Variants in TRDN observed in about 807,000 individuals in gnomAD.
TRDN encodes triadin.
In TRDN, 161 loss-of-function variants were observed where a neutral mutation model predicts 149.7. The ratio of observed to expected loss-of-function variants is 1.08; its 90% confidence interval spans 0.95 to 1.23. TRDN has a LOEUF of 1.23. Ranked by LOEUF, TRDN falls within the 50% of genes most tolerant of loss-of-function variation. The pLI is 0.00. For synonymous variants in TRDN, 294 were observed against 250.5 expected, an observed-to-expected ratio of 1.17 and a Z score of -1.64; for missense variants, 896 against 823.5, an observed-to-expected ratio of 1.09 and a Z score of -1.08.
chr6:123,362,361 T>C (rs180750542), intron 20 of TRDN, among the ~76,000 whole-genome samples: 1 of 152,306 alleles, frequency 6.6e-6, no homozygotes, highest in East Asian at 1.9e-4. Context: ...GTTATTTATA[T>C]ACTTACAATT....
At position 123,316,936 on chromosome 6, in the gene TRDN, A is replaced by G. The variant is rs534485799; in HGVS notation, c.1472-441T>C. ...ATTCATGGGGCTCCACCTAGTGGTT[A>G]ATATAATTATTGTTTTCCTAGTATT... On this transcript the variant is annotated intron_variant, in intron 23 of 40. Coordinates refer to ENST00000334268, the MANE Select transcript of TRDN (RefSeq NM_006073.4). Among the ~76,000 whole-genome samples the G allele has an allele frequency of 2.6e-5, 4 of 151,872 alleles. No individual in the cohort carries two copies. In the South Asian group the frequency reaches 8.3e-4, roughly 31 times the overall value.
intron 19 of TRDN, among the ~76,000 whole-genome samples, chr6:123,370,792 T>G (rs1168596059): frequency 2.0e-5 from 3 of 152,158 alleles, no homozygotes; most frequent in Non-Finnish European, 4.4e-5. Context: ...ATTCCGTTAT[T>G]ACTTAGAGGT....
chr6:123,516,102 G>T, intron 6 of TRDN, 39 bp downstream of exon 6: 1 of 1,429,684 alleles, frequency 7.0e-7, no homozygotes. Flanking sequence ...AATGGGAAAG[G>T]ACTCAGTGTG....
At chr6:123,415,488 C>G (rs1034171478) in intron 12 of TRDN, among the ~76,000 whole-genome samples, 9 of 152,158 alleles carry the variant, frequency 5.9e-5, no homozygotes, top group Non-Finnish European at 8.8e-5. Context: ...CAAAGCCAGA[C>G]AGTCTAAGCA....
At position 123,249,370 on chromosome 6, in the gene TRDN, G is replaced by A. The variant is rs534316352; in HGVS notation, c.1975+3042C>T. ...GTTCAATTCCTATGGAAAACATTATGGAGAGTTCTCAAAGAACTAAATTAG... is the reference window on the plus strand; with the variant it reads ...GTTCAATTCCTATGGAAAACATTATAGAGAGTTCTCAAAGAACTAAATTAG... On this transcript the variant is annotated intron_variant, in intron 38 of 40. Coordinates refer to ENST00000334268, the MANE Select transcript of TRDN (RefSeq NM_006073.4). Among the ~76,000 whole-genome samples, 5 of 152,180 alleles carry A rather than the reference G, an allele frequency of 3.3e-5. No individual in the cohort carries two copies. The South Asian group carries it at 8.3e-4, about 25-fold the overall frequency.
At chr6:123,429,211 T>C (rs2114566003) in intron 12 of TRDN, 1 of 152,306 alleles carries the variant, frequency 6.6e-6, no homozygotes, top group East Asian at 1.9e-4. Flanking sequence ...TCACTCTACT[T>C]ACTGGTGATG....
intron 35 of TRDN, among the ~76,000 whole-genome samples, chr6:123,257,920 A>T (rs989854331): frequency 6.6e-6 from 1 of 152,038 alleles, no homozygotes; most frequent in Non-Finnish European, 1.5e-5. Context: ...TTCACTCATG[A>T]TTTGGCTCTT....
intron 24 of TRDN, among the ~76,000 whole-genome samples, chr6:123,306,763 A>G (rs1028335190): frequency 6.6e-6 from 1 of 152,102 alleles, no homozygotes; most frequent in African/African-American, 2.4e-5. Context: ...AAGACCACCC[A>G]GTCTGCAGGT....
At chr6:123,442,796 A>G (rs1325617216) in intron 10 of TRDN, among the ~76,000 whole-genome samples, 1 of 152,112 alleles carries the variant, frequency 6.6e-6, no homozygotes, top group African/African-American at 2.4e-5. Context: ...ATATCCAGGG[A>G]GGGTATGTCT....
intron 23 of TRDN, among the ~76,000 whole-genome samples, chr6:123,323,677 A>G (rs572174316): frequency 6.6e-6 from 1 of 152,198 alleles, no homozygotes; most frequent in Non-Finnish European, 1.5e-5. Context: ...AACACATAAA[A>G]TGGGCCACAG....
chr6:123,376,277 A>T (rs899056665), intron 18 of TRDN, among the ~76,000 whole-genome samples: 2 of 152,144 alleles, frequency 1.3e-5, no homozygotes, highest in Non-Finnish European at 2.9e-5. Context: ...ATGCTTGAGG[A>T]AATGCAACTC....
chr6:123,610,906 T>C (rs1456042557), intron 1 of TRDN, among the ~76,000 whole-genome samples: 2 of 152,200 alleles, frequency 1.3e-5, no homozygotes, highest in East Asian at 3.9e-4. Context: ...TGCCACAGAT[T>C]TGAGAGGCCC....
At chr6:123,465,976 A>G (rs1393964325) in intron 9 of TRDN, among the ~76,000 whole-genome samples, 1 of 152,194 alleles carries the variant, frequency 6.6e-6, no homozygotes, top group Non-Finnish European at 1.5e-5. Context: ...AGTTGCACAA[A>G]CACCACATTT....
intron 2 of TRDN, among the ~76,000 whole-genome samples, chr6:123,567,384 G>A (rs1189943146): frequency 6.6e-6 from 1 of 152,164 alleles, no homozygotes; most frequent in Non-Finnish European, 1.5e-5. Context: ...TGCTGGCAGA[G>A]TCAACTCAAT....
At chr6:123,236,043 T>C (rs962635575) in intron 38 of TRDN, among the ~76,000 whole-genome samples, 1 of 152,204 alleles carries the variant, frequency 6.6e-6, no homozygotes, top group African/African-American at 2.4e-5. Flanking sequence ...TCTCTCATCC[T>C]TCAGGAGTGA....
intron 12 of TRDN, chr6:123,421,635 T>C (rs1169471363): frequency 6.6e-6 from 1 of 152,100 alleles, no homozygotes; most frequent in African/African-American, 2.4e-5. Context: ...TCTGCATCAA[T>C]AGGCTTTGCA....
intron 12 of TRDN, among the ~76,000 whole-genome samples, chr6:123,409,295 C>T (rs574800185): frequency 1.6e-4 from 24 of 152,056 alleles, no homozygotes; most frequent in African/African-American, 5.6e-4. Context: ...TCAATTTAGC[C>T]CACAAAATGG....
chr6:123,311,909 G>A (rs1486174544), intron 24 of TRDN, among the ~76,000 whole-genome samples: 2 of 151,912 alleles, frequency 1.3e-5, no homozygotes, highest in Non-Finnish European at 2.9e-5. Context: ...AAAAAGGTGG[G>A]AGGTGAAGGA....
Position 123,294,967 on chromosome 6 carries a change from A to G in TRDN, c.1511-15885T>C, listed in dbSNP as rs116179751. On this transcript the variant is annotated intron_variant, in intron 24 of 40. Transcript: ENST00000334268. ...GAAGCAGTTACAGAAAATGAATCTT[A>G]CCCTTCTGCAGTCCGTTAAGATTAA... 2.9e-3 allele frequency among the ~76,000 whole-genome samples: 443 copies of G among 152,164 alleles called. 3 individuals carry two copies. Among genetic ancestry groups the G allele is most frequent in the African/African-American group, 1.0e-2 (414 of 41,510 alleles).
Sources: allele counts gnomAD v4.1 joint callset (sites outside exome capture counted in the v4.1 genomes callset), GRCh38; gene constraint gnomAD v4.1.1; transcripts MANE v1.5; gene names NCBI Gene and HGNC (gene_info 2026-07-23, HGNC 2026-07-21).